The following LMAN2 variants were observed in gnomAD, a reference collection of about 807,000 sequenced individuals.
The protein encoded by LMAN2 is lectin, mannose binding 2.
Under a neutral mutation model 39.3 loss-of-function variants are expected in LMAN2, and 22 were observed. That is an observed-to-expected ratio of 0.56 (90% CI 0.40 to 0.80). The LOEUF is 0.80. Among genes scored for constraint, LMAN2 ranks in the 30% least tolerant of loss-of-function variants. LMAN2 has a pLI of 0.00. For synonymous variants in LMAN2, 207 were observed against 207.8 expected (o/e 1.00, Z 0.03); for missense variants, 494 against 505.4 (o/e 0.98, Z 0.22).
In LMAN2 at chr5:177,332,424, G is replaced by GT. The variant is rs1761403334; in HGVS notation, c.911-179dup. Among the ~76,000 whole-genome samples the GT allele has an allele frequency of 6.6e-6, 1 of 152,170 alleles. No homozygotes were observed. Among genetic ancestry groups the GT allele is most frequent in the Admixed American group, 6.5e-5 (1 of 15,280 alleles). ...GAAGCCCATCCCAGCCAGCTCTGCA[G>GT]TCCCCAGGGCAGGGTGGGGCAGAGA... On this transcript the variant is annotated intron_variant, in intron 7 of 7. Coordinates refer to ENST00000303127, the MANE Select transcript of LMAN2 (RefSeq NM_006816.3). This position sits in a 1 kb window ranked among gnomAD's most constrained non-coding sequence, Gnocchi z 6.3.
chr5:177,341,137 G>C (rs1374468094), intron 2 of LMAN2, among the ~76,000 whole-genome samples: 9 of 147,330 alleles, frequency 6.1e-5, no homozygotes, highest in Non-Finnish European at 1.3e-4. Flanking sequence ...CGTGATCTTG[G>C]CTCACTGCAA....
chr5:177,333,262 T>G (rs1187828774), intron 7 of LMAN2, among the ~76,000 whole-genome samples: 1 of 152,174 alleles, frequency 6.6e-6, no homozygotes, highest in African/African-American at 2.4e-5. Context: ...GCCTGCCTGA[T>G]CTCGTGTCTC....
In LMAN2 at chr5:177,337,418, C is replaced by T. The variant is rs763732580; in HGVS notation, c.620G>A (p.Arg207His). 7 of 1,613,204 alleles carry T rather than the reference C, an allele frequency of 4.3e-6. No individual in the cohort carries two copies. The East Asian group carries it at 6.7e-5, about 15-fold the overall frequency. ...TELAGCTADFRNRDHDTFLAV... is the reference protein window; with the variant it reads ...TELAGCTADFHNRDHDTFLAV... The stretch of plus-strand genomic sequence containing the variant: ...CAGGAAGGTGTCGTGATCGCGGTTG[C>T]GGAAGTCAGCCGTGCAGCCCGCCAG... The change falls in exon 5 of 8, where the codon CGC becomes CAC. Residue 207 changes from arginine (R) to histidine (H), a missense_variant. Transcript: ENST00000303127. The surrounding 1 kb of genome is among the most constrained non-coding windows in gnomAD (Gnocchi z 8.2).
At chr5:177,351,131 A>G in intron 2 of LMAN2, 42 bp downstream of exon 2, 2 of 1,579,128 alleles carry the variant, frequency 1.3e-6, no homozygotes, top group South Asian at 2.2e-5. Flanking sequence ...AGGGACTAGC[A>G]GCCAACCGCA....
intron 7 of LMAN2, among the ~76,000 whole-genome samples, chr5:177,334,042 C>A (rs945442219): frequency 1.3e-3 from 196 of 152,392 alleles, no homozygotes; most frequent in African/African-American, 4.4e-3. Context: ...TGACTCTCTG[C>A]AGACTTCTCT....
At chr5:177,345,663 G>A (rs1329358805) in intron 2 of LMAN2, among the ~76,000 whole-genome samples, 1 of 152,112 alleles carries the variant, frequency 6.6e-6, no homozygotes, top group African/African-American at 2.4e-5. Context: ...GCCCGCTCCT[G>A]CTCCTGCCTC....
At chr5:177,345,177 CAA>C (rs55947322) in intron 2 of LMAN2, among the ~76,000 whole-genome samples, 44 of 116,320 alleles carry the variant, frequency 3.8e-4, no homozygotes, top group East Asian at 9.3e-4. Flanking sequence ...CTACTTCTAC[CAA>C]AAAAAAAAAA....
At chr5:177,346,417 G>T in intron 2 of LMAN2, 1 of 638,586 alleles carries the variant, frequency 1.6e-6, no homozygotes, top group Non-Finnish European at 2.2e-6. Context: ...CACCATTGCA[G>T]ATATTTAAAG....
At chr5:177,351,431 T>C in intron 1 of LMAN2, 21 bp downstream of exon 1, 3 of 1,609,882 alleles carry the variant, frequency 1.9e-6, no homozygotes, top group South Asian at 1.1e-5. Flanking sequence ...TCTTCACTCA[T>C]TCCCGCCCCA....
chr5:177,333,334 G>A (rs1441996278), intron 7 of LMAN2, among the ~76,000 whole-genome samples: 1 of 152,224 alleles, frequency 6.6e-6, no homozygotes, highest in Non-Finnish European at 1.5e-5. Flanking sequence ...GGAACAAATG[G>A]ATTGAATCTA....
Position 177,347,662 on chromosome 5 carries a change from A to G in LMAN2, c.315+3511T>C, listed in dbSNP as rs571911292. ...TCACCTGGCAATAAGAGGCTATTTT[A>G]CAGTTCAGCAGTTTCCACATCTCTG... On this transcript the variant is annotated intron_variant, in intron 2 of 7. Coordinates refer to ENST00000303127, the MANE Select transcript of LMAN2 (RefSeq NM_006816.3). 2.1e-4 allele frequency among the ~76,000 whole-genome samples: 32 copies of G among 152,356 alleles called. 1 individual carries two copies. In the South Asian group the frequency reaches 6.0e-3, roughly 29 times the overall value.
chr5:177,332,137 C>G lies in LMAN2; in HGVS notation c.1020G>C (p.Val340=), dbSNP rs376059834. 6.2e-7 allele frequency: 1 copy of G among 1,613,720 alleles called. No individual in the cohort carries two copies. Among genetic ancestry groups the G allele is most frequent in the African/African-American group, 1.3e-5 (1 of 75,040 alleles). ...GCCGCTTCTGGAACACCACGGCCCCCACCACGGCGCAGACAACGATGCCCA... is the reference window on the plus strand; with the variant it reads ...GCCGCTTCTGGAACACCACGGCCCCGACCACGGCGCAGACAACGATGCCCA... ...ALLGIVVCAV[V]GAVVFQKRQE... is the part of the protein sequence containing the mutation. The change falls in exon 8 of 8, where the codon GTG becomes GTC. Residue 340 remains valine, a synonymous_variant. Transcript: ENST00000303127. The surrounding 1 kb of genome is among the most constrained non-coding windows in gnomAD (Gnocchi z 6.3).
chr5:177,345,225 G>A (rs1455262720), intron 2 of LMAN2, among the ~76,000 whole-genome samples: 1 of 149,586 alleles, frequency 6.7e-6, no homozygotes, highest in East Asian at 2.0e-4. Flanking sequence ...TGCGCCTGTA[G>A]TCCCAGCTAC....
At chr5:177,335,001 T>C (rs1025040654) in intron 6 of LMAN2, among the ~76,000 whole-genome samples, 7 of 152,194 alleles carry the variant, frequency 4.6e-5, no homozygotes, top group Non-Finnish European at 1.0e-4. Flanking sequence ...TCCAATGGCA[T>C]GCACAGGGAA....
chr5:177,341,376 T>C (rs1561605610), intron 2 of LMAN2, among the ~76,000 whole-genome samples: 1 of 151,730 alleles, frequency 6.6e-6, no homozygotes, highest in East Asian at 1.9e-4. Flanking sequence ...ATAAAAAAAA[T>C]AATAATCTTA....
At position 177,337,567 on chromosome 5, in the gene LMAN2, T is replaced by C; in HGVS notation, c.514-43A>G. On this transcript the variant is annotated intron_variant, in intron 4 of 7. Coordinates refer to ENST00000303127, the MANE Select transcript of LMAN2 (RefSeq NM_006816.3). This position sits in a 1 kb window ranked among gnomAD's most constrained non-coding sequence, Gnocchi z 8.2. ...GTTACTCCACAAGCAGCCCAGCCTGTGGGGCGAGCAGGGGCACCCACCACC... is the reference window on the plus strand; with the variant it reads ...GTTACTCCACAAGCAGCCCAGCCTGCGGGGCGAGCAGGGGCACCCACCACC... 1 of 1,609,474 alleles carries C rather than the reference T, an allele frequency of 6.2e-7. No individual in the cohort carries two copies. The highest frequency in any genetic ancestry group is 8.5e-7 in the Non-Finnish European group (1 of 1,176,528).
Position 177,337,811 on chromosome 5 carries a change from G to A in LMAN2, c.434-26C>T. Reference sequence around the variant, plus strand: ...CTAGAATTATAAGCAGATGCTCTCAGAATGGGAGAAACAGGAGCCGTCCCA... The same window carrying A: ...CTAGAATTATAAGCAGATGCTCTCAAAATGGGAGAAACAGGAGCCGTCCCA... On this transcript the variant is annotated intron_variant, in intron 3 of 7. Transcript: ENST00000303127. This position sits in a 1 kb window ranked among gnomAD's most constrained non-coding sequence, Gnocchi z 8.2. 2 of 1,607,854 alleles carry A rather than the reference G, an allele frequency of 1.2e-6. No individual in the cohort carries two copies. Among genetic ancestry groups the A allele is most frequent in the Non-Finnish European group, 8.5e-7 (1 of 1,175,772 alleles).
chr5:177,344,759 A>G (rs1224289082), intron 2 of LMAN2, among the ~76,000 whole-genome samples: 1 of 151,614 alleles, frequency 6.6e-6, no homozygotes, highest in African/African-American at 2.4e-5. Flanking sequence ...TACAAAAATT[A>G]GCCGGGTGCG....
At chr5:177,341,064 C>CT (rs1298735934) in intron 2 of LMAN2, among the ~76,000 whole-genome samples, 2,103 of 108,926 alleles carry the variant, frequency 0.019, 30 homozygotes, top group Non-Finnish European at 0.025. Flanking sequence ...CTTTTTTTTT[C>CT]TTTTTTTTTT....
Sources: gnomAD v4.1 joint callset for allele counts (sites outside exome capture counted in the v4.1 genomes callset) on GRCh38, gnomAD v4.1.1 for gene constraint, Gnocchi (gnomAD v3.1) non-coding constraint, MANE v1.5 for transcripts, NCBI Gene and HGNC (gene_info 2026-07-23, HGNC 2026-07-21) for gene names.